The following PAM variants were observed in gnomAD, a reference collection of about 807,000 sequenced individuals.
PAM encodes peptidylglycine alpha-amidating monooxygenase, also known as peptidyl-glycine alpha-amidating monooxygenase.
PAM carries 72 observed loss-of-function variants against 122.1 expected under a neutral mutation model. The observed-to-expected ratio is 0.59, with a 90% CI of 0.49 to 0.72. PAM has a LOEUF of 0.72. Ranked by LOEUF, PAM falls within the 30% of genes least tolerant of loss-of-function variation. PAM has a pLI of 0.00. For synonymous variants in PAM, 389 were observed against 404.4 expected, an observed-to-expected ratio of 0.96 and a Z score of 0.46; for missense variants, 1,106 against 1,183.7, an observed-to-expected ratio of 0.93 and a Z score of 0.96.
intron 1 of PAM, among the ~76,000 whole-genome samples, chr5:102,822,433 A>G (rs1772281654): frequency 6.6e-6 from 1 of 152,134 alleles, no homozygotes; most frequent in Non-Finnish European, 1.5e-5. Context: ...GGGACCATTT[A>G]GCCAAACCAG....
intron 20 of PAM, among the ~76,000 whole-genome samples, chr5:103,008,994 A>G (rs1359989022): frequency 6.6e-6 from 1 of 152,178 alleles, no homozygotes; most frequent in Non-Finnish European, 1.5e-5. Flanking sequence ...TAATCCTTCA[A>G]GAATGATGAA....
At chr5:102,802,009 T>G (rs1239762847) in intron 1 of PAM, among the ~76,000 whole-genome samples, 1 of 151,082 alleles carries the variant, frequency 6.6e-6, no homozygotes, top group Non-Finnish European at 1.5e-5. Flanking sequence ...CGATCTGATC[T>G]CCTGACCTCG....
intron 1 of PAM, among the ~76,000 whole-genome samples, chr5:102,839,514 G>A (rs1281794755): frequency 6.8e-6 from 1 of 146,934 alleles, no homozygotes; most frequent in Admixed American, 6.8e-5. Context: ...TCCAGCCTGG[G>A]CGACAGAGCA....
chr5:102,790,294 T>C (rs1761717912), intron 1 of PAM, among the ~76,000 whole-genome samples: 1 of 152,094 alleles, frequency 6.6e-6, no homozygotes, highest in Non-Finnish European at 1.5e-5. Flanking sequence ...TTTTTGTTGT[T>C]GATATAAAAA....
intron 1 of PAM, among the ~76,000 whole-genome samples, chr5:102,764,484 T>C (rs1322946756): frequency 6.6e-6 from 1 of 151,950 alleles, no homozygotes; most frequent in Admixed American, 6.6e-5. Flanking sequence ...GAAGCAGCGG[T>C]AACAGGTATA....
At chr5:102,837,615 T>C (rs1207907817) in intron 1 of PAM, 1 of 152,206 alleles carries the variant, frequency 6.6e-6, no homozygotes, top group Non-Finnish European at 1.5e-5. Context: ...TCTTGTCAAT[T>C]AAGTAAAATT....
intron 21 of PAM, among the ~76,000 whole-genome samples, chr5:103,014,348 A>G (rs1199390499): frequency 6.6e-6 from 1 of 152,228 alleles, no homozygotes; most frequent in African/African-American, 2.4e-5. Context: ...ATGAGTCACA[A>G]TATGTGGGTC....
At chr5:102,919,257 A>ATT (rs962269567) in intron 5 of PAM, among the ~76,000 whole-genome samples, 2 of 151,862 alleles carry the variant, frequency 1.3e-5, no homozygotes, top group South Asian at 2.1e-4. Context: ...GAGATAAAAC[A>ATT]TTATATATAT....
intron 14 of PAM, among the ~76,000 whole-genome samples, chr5:102,970,761 T>C (rs1765564259): frequency 6.6e-6 from 1 of 151,760 alleles, no homozygotes; most frequent in Non-Finnish European, 1.5e-5. Context: ...ATTAAGAAAA[T>C]AGAGGGCTAG....
At chr5:102,836,018 TC>T (rs1702206632) in intron 1 of PAM, among the ~76,000 whole-genome samples, 1 of 152,174 alleles carries the variant, frequency 6.6e-6, no homozygotes, top group Non-Finnish European at 1.5e-5. Flanking sequence ...TGAATTGCGT[TC>T]TCGAATTGCC....
At chr5:103,016,360 C>T (rs1306952903) in intron 21 of PAM, among the ~76,000 whole-genome samples, 1 of 152,206 alleles carries the variant, frequency 6.6e-6, no homozygotes, top group Non-Finnish European at 1.5e-5. Flanking sequence ...CAGATGCTGG[C>T]TGATAAGCCC....
chr5:102,984,513 CAAAG>C (rs1380210578), intron 15 of PAM, among the ~76,000 whole-genome samples: 5 of 151,906 alleles, frequency 3.3e-5, no homozygotes, highest in East Asian at 1.9e-4. Context: ...TATATAATGA[CAAAG>C]AGATGAATTC....
chr5:103,026,991 T>G (rs1362816417), intron 24 of PAM, among the ~76,000 whole-genome samples: 1 of 152,156 alleles, frequency 6.6e-6, no homozygotes. Flanking sequence ...GTTAGGAAGG[T>G]AGAGACCCAG....
chr5:102,969,439 T>G (rs1002003300), intron 14 of PAM, among the ~76,000 whole-genome samples: 3 of 152,118 alleles, frequency 2.0e-5, no homozygotes, highest in Non-Finnish European at 4.4e-5. Flanking sequence ...AATACCATCC[T>G]AGACAGATTT....
chr5:102,965,654 T>C (rs74567345), intron 14 of PAM, among the ~76,000 whole-genome samples: 4,646 of 152,128 alleles, frequency 0.031, 106 homozygotes, highest in Non-Finnish European at 0.049. Context: ...TTGTAGTCTT[T>C]GTGCCCTCAT....
chr5:102,829,915 G>A (rs1774935723), intron 1 of PAM, among the ~76,000 whole-genome samples: 1 of 151,982 alleles, frequency 6.6e-6, no homozygotes, highest in African/African-American at 2.4e-5. Context: ...AACTGTCTCT[G>A]TATATGACCT....
chr5:102,965,162 G>GACACACACACACACACACAC (rs66633444), intron 14 of PAM, among the ~76,000 whole-genome samples: 1 of 138,814 alleles, frequency 7.2e-6, no homozygotes, highest in African/African-American at 2.6e-5. Flanking sequence ...TTCCAAAGCA[G>GACACACACACACACACACAC]ACACACACAC....
chr5:102,941,474 A>G (rs1755197787), intron 7 of PAM, among the ~76,000 whole-genome samples: 1 of 152,242 alleles, frequency 6.6e-6, no homozygotes, highest in Non-Finnish European at 1.5e-5. Context: ...AGCTTTCAGC[A>G]GCCTCCAGGA....
intron 16 of PAM, among the ~76,000 whole-genome samples, chr5:102,994,136 C>T (rs1185712033): frequency 1.3e-5 from 2 of 152,102 alleles, no homozygotes; most frequent in Non-Finnish European, 2.9e-5. Context: ...TCTCCAGCCT[C>T]CCACCTAATG....
Sources: allele counts gnomAD v4.1 joint callset (sites outside exome capture counted in the v4.1 genomes callset), GRCh38; gene constraint gnomAD v4.1.1; transcripts MANE v1.5; gene names NCBI Gene and HGNC (gene_info 2026-07-23, HGNC 2026-07-21).